NELL1: variants seen among roughly 807,000 people sequenced by gnomAD.
NELL1 encodes neural EGFL like 1.
A neutral mutation model predicts 107.4 loss-of-function variants in NELL1; 76 were observed. The observed-to-expected ratio is 0.71, with a 90% CI of 0.59 to 0.86. NELL1 has a LOEUF of 0.86. NELL1 is among the 40% of genes least tolerant of loss of function. NELL1 has a pLI of 0.00. For synonymous variants in NELL1, 353 were observed against 341.2 expected (o/e 1.03, Z -0.38); for missense variants, 1,024 against 1,005.5 (o/e 1.02, Z -0.25).
intron 2 of NELL1, among the ~76,000 whole-genome samples, chr11:20,716,704 C>T (rs1855258449): frequency 1.3e-5 from 2 of 152,224 alleles, no homozygotes; most frequent in South Asian, 2.1e-4. Context: ...AGCTATGACT[C>T]TTACTAGCTG....
At position 21,556,924 on chromosome 11, in the gene NELL1, C is replaced by A. The variant is rs140390116; in HGVS notation, c.1787-3265C>A. On this transcript the variant is annotated intron_variant, in intron 16 of 19. Coordinates refer to ENST00000357134, the MANE Select transcript of NELL1 (RefSeq NM_006157.5). ...ACTTCGTGTAATTTTTCTTTCATTG[C>A]CTGTTTGTCATTGGGAGGCCTGTCT... is the stretch of plus-strand genomic sequence containing the variant. Among the ~76,000 whole-genome samples the A allele has an allele frequency of 5.0e-3, 758 of 151,812 alleles. 5 individuals carry two copies. Among genetic ancestry groups the A allele is most frequent in the African/African-American group, 0.017 (720 of 41,428 alleles).
chr11:20,834,035 C>T lies in NELL1; in HGVS notation c.336-13548C>T, dbSNP rs534698974. 3.3e-4 allele frequency among the ~76,000 whole-genome samples: 50 copies of T among 152,116 alleles called. No homozygotes were observed. The South Asian group carries it at 8.7e-3, about 27-fold the overall frequency. On this transcript the variant is annotated intron_variant, in intron 3 of 19. Coordinates refer to ENST00000357134, the MANE Select transcript of NELL1 (RefSeq NM_006157.5). Reference sequence around the variant, plus strand: ...GGAAGTGGGGGTGCTTGGAAGAAGTCGATAATATGATTGGATTCTTGTTTT... The same window carrying T: ...GGAAGTGGGGGTGCTTGGAAGAAGTTGATAATATGATTGGATTCTTGTTTT...
At chr11:20,676,597 GAGGCC>G (rs1854063990) in intron 1 of NELL1, among the ~76,000 whole-genome samples, 1 of 152,206 alleles carries the variant, frequency 6.6e-6, no homozygotes. Flanking sequence ...CAGCTCTAAA[GAGGCC>G]TTCCTGACCA....
chr11:21,389,098 T>C (rs1264561733), intron 15 of NELL1, among the ~76,000 whole-genome samples: 1 of 151,864 alleles, frequency 6.6e-6, no homozygotes, highest in Non-Finnish European at 1.5e-5. Flanking sequence ...AGTCTATCAA[T>C]ATATCAATAG....
intron 13 of NELL1, among the ~76,000 whole-genome samples, chr11:21,203,019 C>T (rs536343645): frequency 2.6e-5 from 4 of 152,258 alleles, no homozygotes; most frequent in African/African-American, 7.2e-5. Context: ...TTTGCATTTG[C>T]TGAGGAGTGT....
At chr11:21,146,195 C>T (rs529785139) in intron 13 of NELL1, among the ~76,000 whole-genome samples, 1 of 152,026 alleles carries the variant, frequency 6.6e-6, no homozygotes, top group Admixed American at 6.6e-5. Context: ...AGTATCAGTG[C>T]CATTCTCTGC....
chr11:21,284,303 G>A, intron 14 of NELL1: 1 of 457,404 alleles, frequency 2.2e-6, no homozygotes. Flanking sequence ...CACAGAGGGT[G>A]AGTATAGCAA....
intron 4 of NELL1, among the ~76,000 whole-genome samples, chr11:20,877,743 C>T (rs1366959861): frequency 1.3e-5 from 2 of 152,134 alleles, no homozygotes; most frequent in African/African-American, 4.8e-5. Context: ...TTACATTTGA[C>T]TAGATGTTTA....
At chr11:20,692,236 C>T (rs1854487003) in intron 2 of NELL1, among the ~76,000 whole-genome samples, 2 of 151,552 alleles carry the variant, frequency 1.3e-5, no homozygotes, top group South Asian at 4.2e-4. Context: ...AAAAAACCAG[C>T]TCCTGGATTC....
rs148147029 is a variant in NELL1, at chr11:21,176,965, T to A, written c.1427-52367T>A. Among the ~76,000 whole-genome samples, 221 of 151,942 alleles carry A rather than the reference T, an allele frequency of 1.5e-3. 3 individuals are homozygous for A. Among genetic ancestry groups the A allele is most frequent in the African/African-American group, 5.2e-3 (216 of 41,236 alleles). The stretch of plus-strand genomic sequence containing the variant: ...CGAGTTCTTCAGTTTTTTTAATTTT[T>A]ATTTTTAATTTACAAAAAATAATTG... On this transcript the variant is annotated intron_variant, in intron 13 of 19. Transcript: ENST00000357134.
At chr11:20,814,069 C>T (rs539704630) in intron 3 of NELL1, among the ~76,000 whole-genome samples, 30 of 151,982 alleles carry the variant, frequency 2.0e-4, no homozygotes, top group African/African-American at 5.8e-4. Context: ...GATCTCGGCT[C>T]ACTGCAAGCT....
At chr11:21,151,534 T>G (rs1856118087) in intron 13 of NELL1, among the ~76,000 whole-genome samples, 2 of 152,208 alleles carry the variant, frequency 1.3e-5, no homozygotes, top group African/African-American at 4.8e-5. Context: ...ATTCATCCTA[T>G]GTAATGACCT....
intron 4 of NELL1, among the ~76,000 whole-genome samples, chr11:20,875,057 C>T (rs1396430240): frequency 6.6e-6 from 1 of 152,286 alleles, no homozygotes; most frequent in East Asian, 1.9e-4. Flanking sequence ...TATCTCTGGA[C>T]AGATTGACTC....
chr11:20,883,940 C>T (rs1002786832), intron 4 of NELL1, among the ~76,000 whole-genome samples: 5 of 152,096 alleles, frequency 3.3e-5, no homozygotes, highest in Admixed American at 6.5e-5. Context: ...CGTCTAAAAT[C>T]GTTCATTCTA....
At chr11:21,303,746 G>A (rs1215146661) in intron 14 of NELL1, among the ~76,000 whole-genome samples, 4 of 152,048 alleles carry the variant, frequency 2.6e-5, no homozygotes. Flanking sequence ...TAGCAAAGTT[G>A]TGGAATCAAC....
chr11:21,417,956 A>C (rs1564884542), intron 15 of NELL1, among the ~76,000 whole-genome samples: 1 of 152,102 alleles, frequency 6.6e-6, no homozygotes, highest in Admixed American at 6.6e-5. Flanking sequence ...TTTAATCACC[A>C]TTAATTTAGA....
At chr11:21,279,690 A>G (rs1848948251) in intron 14 of NELL1, among the ~76,000 whole-genome samples, 1 of 152,204 alleles carries the variant, frequency 6.6e-6, no homozygotes, top group Non-Finnish European at 1.5e-5. Flanking sequence ...TGTTCTTACC[A>G]TGCGATACAG....
At chr11:20,881,795 C>T (rs1378400292) in intron 4 of NELL1, among the ~76,000 whole-genome samples, 1 of 151,792 alleles carries the variant, frequency 6.6e-6, no homozygotes, top group East Asian at 1.9e-4. Flanking sequence ...ATGTGTCTGT[C>T]TCAGGCATTA....
intron 13 of NELL1, among the ~76,000 whole-genome samples, chr11:21,139,334 C>T (rs191254180): frequency 1.9e-4 from 29 of 152,258 alleles, no homozygotes; most frequent in African/African-American, 7.0e-4. Flanking sequence ...TTTCCCGGTG[C>T]CTGGAAAGCA....
Sources: allele counts gnomAD v4.1 joint callset (sites outside exome capture counted in the v4.1 genomes callset), GRCh38; gene constraint gnomAD v4.1.1; transcripts MANE v1.5; gene names NCBI Gene and HGNC (gene_info 2026-07-23, HGNC 2026-07-21).